DGKB: variants seen among roughly 807,000 people sequenced by gnomAD.
DGKB encodes diacylglycerol kinase beta, also known as 90 kDa diacylglycerol kinase.
In DGKB, 67 loss-of-function variants were observed where a neutral mutation model predicts 114.3. The observed-to-expected ratio is 0.59, with a 90% confidence interval of 0.48 to 0.72. DGKB has a LOEUF of 0.72. DGKB is among the 30% of genes least tolerant of loss of function. The pLI is 0.00. For synonymous variants in DGKB, 398 were observed against 323.1 expected (o/e 1.23, Z -2.49); for missense variants, 907 against 975.2 (o/e 0.93, Z 0.93).
intron 1 of DGKB, among the ~76,000 whole-genome samples, chr7:14,864,806 A>AT (rs1042355178): frequency 3.3e-5 from 5 of 151,824 alleles, no homozygotes; most frequent in Non-Finnish European, 7.4e-5. Flanking sequence ...AAAAAAAAAA[A>AT]ATATGGGGCT....
At chr7:14,196,808 AT>A (rs1311573261) in intron 23 of DGKB, among the ~76,000 whole-genome samples, 3 of 152,050 alleles carry the variant, frequency 2.0e-5, no homozygotes, top group African/African-American at 4.8e-5. Flanking sequence ...TAAAAAAAAA[AT>A]AAGCCCTTGT....
intron 25 of DGKB, among the ~76,000 whole-genome samples, chr7:14,158,951 T>A (rs781741510): frequency 9.9e-5 from 15 of 152,152 alleles, no homozygotes; most frequent in Non-Finnish European, 1.8e-4. Context: ...TTTTTTTCCT[T>A]TTTACTACCA....
At chr7:14,768,272 GCT>G in intron 2 of DGKB, among the ~76,000 whole-genome samples, 1 of 151,898 alleles carries the variant, frequency 6.6e-6, no homozygotes, top group Admixed American at 6.6e-5. Context: ...TGAGAAGGAG[GCT>G]ATAACTAACT....
intron 21 of DGKB, among the ~76,000 whole-genome samples, chr7:14,393,561 AT>A (rs138462720): frequency 0.025 from 3,870 of 152,300 alleles, 82 homozygotes; most frequent in Non-Finnish European, 0.04. Flanking sequence ...AGAATTCATT[AT>A]CTGGCCTTTA....
chr7:14,668,655 A>C (rs569712569), intron 13 of DGKB, among the ~76,000 whole-genome samples: 1 of 152,144 alleles, frequency 6.6e-6, no homozygotes, highest in Non-Finnish European at 1.5e-5. Flanking sequence ...CTCACTCTCA[A>C]CCTGACACCA....
At chr7:14,826,371 C>A (rs1020512295) in intron 2 of DGKB, among the ~76,000 whole-genome samples, 1 of 152,078 alleles carries the variant, frequency 6.6e-6, no homozygotes, top group African/African-American at 2.4e-5. Flanking sequence ...CCAGTTGATT[C>A]CAGGAATTAC....
rs1490043154 is a variant in DGKB at position 14,550,426 on chromosome 7, A to G, written c.1770+23786T>C. 5.3e-5 allele frequency among the ~76,000 whole-genome samples: 8 copies of G among 152,298 alleles called. No individual in the cohort carries two copies. In the East Asian group the frequency reaches 1.5e-3, roughly 29 times the overall value. ...GATTAAGAATCTTTTTGTGATTGGT[A>G]ATTTACTCAACTAATCTAAGTCATT... On this transcript the variant is annotated intron_variant, in intron 20 of 25. Coordinates refer to ENST00000402815, the MANE Select transcript of DGKB (RefSeq NM_001350709.2).
intron 16 of DGKB, among the ~76,000 whole-genome samples, chr7:14,610,756 G>C (rs1805401766): frequency 6.6e-6 from 1 of 151,926 alleles, no homozygotes; most frequent in Non-Finnish European, 1.5e-5. Context: ...TACCCTATCT[G>C]ACGTTGTCCT....
intron 23 of DGKB, among the ~76,000 whole-genome samples, chr7:14,295,012 A>G (rs572483223): frequency 6.6e-6 from 1 of 152,290 alleles, no homozygotes; most frequent in Admixed American, 6.5e-5. Context: ...AAGGGCATCC[A>G]TCAACAGGTA....
chr7:14,565,475 T>G (rs1446850313), intron 20 of DGKB, among the ~76,000 whole-genome samples: 1 of 152,190 alleles, frequency 6.6e-6, no homozygotes, highest in African/African-American at 2.4e-5. Flanking sequence ...AAATTCTCCC[T>G]AAGTGAGATA....
chr7:14,852,487 C>CAAAAAAAAAAAAA, intron 1 of DGKB, among the ~76,000 whole-genome samples: 2 of 63,612 alleles, frequency 3.1e-5, no homozygotes, highest in South Asian at 5.8e-4. Flanking sequence ...TAGTGAAAGT[C>CAAAAAAAAAAAAA]AAAAAAAAAA....
At chr7:14,959,342 G>T (rs556885119) in intron 1 of DGKB, among the ~76,000 whole-genome samples, 1 of 150,910 alleles carries the variant, frequency 6.6e-6, no homozygotes, top group East Asian at 2.0e-4. Context: ...ATACCTAGCT[G>T]ACTAATTTTA....
At chr7:14,732,762 T>A (rs1254197168) in intron 5 of DGKB, among the ~76,000 whole-genome samples, 1 of 152,178 alleles carries the variant, frequency 6.6e-6, no homozygotes, top group African/African-American at 2.4e-5. Flanking sequence ...TCCTTTTTTT[T>A]TCCATTTTGA....
chr7:14,341,634 G>T (rs1205116096), intron 22 of DGKB, among the ~76,000 whole-genome samples: 2 of 151,836 alleles, frequency 1.3e-5, no homozygotes, highest in South Asian at 2.1e-4. Flanking sequence ...GCTCTTTTCA[G>T]TTTTAAAATA....
intron 2 of DGKB, among the ~76,000 whole-genome samples, chr7:14,817,935 CA>C (rs58195416): frequency 4.9e-4 from 73 of 147,476 alleles, no homozygotes; most frequent in Non-Finnish European, 6.2e-4. Flanking sequence ...ATTCTGGTGA[CA>C]AAAAAAAAAA....
At chr7:14,301,871 G>A (rs907416663) in intron 23 of DGKB, among the ~76,000 whole-genome samples, 1 of 152,108 alleles carries the variant, frequency 6.6e-6, no homozygotes, top group Non-Finnish European at 1.5e-5. Context: ...TCAGACTCAT[G>A]GGACTGAGTC....
intron 1 of DGKB, among the ~76,000 whole-genome samples, chr7:14,846,137 C>T (rs1393372069): frequency 2.0e-5 from 3 of 152,184 alleles, no homozygotes; most frequent in Non-Finnish European, 4.4e-5. Flanking sequence ...GATTGATCTA[C>T]CCCTATTTGC....
chr7:14,379,786 C>G (rs1819108919), intron 21 of DGKB, among the ~76,000 whole-genome samples: 2 of 152,254 alleles, frequency 1.3e-5, no homozygotes, highest in African/African-American at 2.4e-5. Flanking sequence ...TCTTGATCTC[C>G]TGACCTCGTG....
chr7:14,761,246 A>G (rs1345877174), intron 2 of DGKB, among the ~76,000 whole-genome samples: 1 of 152,134 alleles, frequency 6.6e-6, no homozygotes, highest in Non-Finnish European at 1.5e-5. Context: ...TGACCGGTCA[A>G]TCTTCTAAAG....
Sources: allele counts gnomAD v4.1 joint callset (sites outside exome capture counted in the v4.1 genomes callset), GRCh38; gene constraint gnomAD v4.1.1; transcripts MANE v1.5; gene names NCBI Gene and HGNC (gene_info 2026-07-23, HGNC 2026-07-21).